Variants in FBXO11 observed in about 807,000 individuals in gnomAD.
The protein encoded by FBXO11 is F-box only protein 11.
Under a neutral mutation model 117.0 loss-of-function variants are expected in FBXO11, and 13 were observed. The ratio of observed to expected loss-of-function variants is 0.11; its 90% CI spans 0.07 to 0.18. The LOEUF (loss-of-function observed/expected upper bound fraction) is 0.18, where lower values mean the gene tolerates loss of function less well. Among genes scored for constraint, FBXO11 ranks in the 10% least tolerant of loss-of-function variants. The pLI is 1.00. For missense variants in FBXO11, 767 were observed against 1,164.4 expected (o/e 0.66, Z 4.97); for synonymous variants, 490 against 380.5 (o/e 1.29, Z -3.35).
rs1670267501 is a variant in FBXO11, at chr2:47,807,144, G to A, written c.*974C>T. The A allele has an allele frequency of 4.9e-6, 2 of 406,424 alleles. No homozygotes were observed. The highest frequency in any genetic ancestry group is 3.4e-5 in the South Asian group (1 of 29,806). 25.2% of individuals were successfully genotyped at this position (406,424 alleles called of 1,614,324 possible). On this transcript the variant is annotated 3_prime_UTR_variant, in exon 23 of 23. Coordinates refer to ENST00000403359, the MANE Select transcript of FBXO11 (RefSeq NM_001190274.2). ...GGAGGAAAAGCTATGAAACTGTATAGGGCTGTATATATACTTGTCTCAGCT... is the reference window on the plus strand; with the variant it reads ...GGAGGAAAAGCTATGAAACTGTATAAGGCTGTATATATACTTGTCTCAGCT...
chr2:47,833,670 T>A (rs1030412705), intron 7 of FBXO11, among the ~76,000 whole-genome samples: 4 of 152,254 alleles, frequency 2.6e-5, no homozygotes, highest in African/African-American at 7.2e-5. Flanking sequence ...CTTAGAAACC[T>A]GACCATAAAT....
chr2:47,903,466 G>C (rs780797260), intron 1 of FBXO11, among the ~76,000 whole-genome samples: 1 of 152,226 alleles, frequency 6.6e-6, no homozygotes, highest in African/African-American at 2.4e-5. Context: ...ACACTGGCAT[G>C]TGACTGCCAA....
chr2:47,828,338 G>C (rs1033618676), intron 11 of FBXO11, among the ~76,000 whole-genome samples: 1 of 152,080 alleles, frequency 6.6e-6, no homozygotes, highest in African/African-American at 2.4e-5. Context: ...ATTTTTTGAA[G>C]TAAAACATTC....
chr2:47,865,229 C>G (rs2103782331), intron 1 of FBXO11, among the ~76,000 whole-genome samples: 1 of 152,242 alleles, frequency 6.6e-6, no homozygotes, highest in Non-Finnish European at 1.5e-5. Flanking sequence ...GTGATAGAAC[C>G]CAGATTTTAA....
chr2:47,811,643 T>C (rs1369989058), intron 18 of FBXO11: 1 of 152,236 alleles, frequency 6.6e-6, no homozygotes, highest in Non-Finnish European at 1.5e-5. Flanking sequence ...TTACTAATGT[T>C]TTCCAGAAAC....
chr2:47,829,469 G>C (rs1672022022), intron 11 of FBXO11, among the ~76,000 whole-genome samples: 1 of 152,066 alleles, frequency 6.6e-6, no homozygotes, highest in Non-Finnish European at 1.5e-5. Context: ...TCGAATTCCT[G>C]ACCTCAGGTG....
At chr2:47,882,545 CT>C (rs1489505441) in intron 1 of FBXO11, among the ~76,000 whole-genome samples, 1 of 152,154 alleles carries the variant, frequency 6.6e-6, no homozygotes, top group East Asian at 1.9e-4. Context: ...TTTTCTAAAA[CT>C]TAAAAAAATA....
chr2:47,855,607 G>A (rs1674225794), intron 1 of FBXO11, among the ~76,000 whole-genome samples: 1 of 152,170 alleles, frequency 6.6e-6, no homozygotes. Context: ...GCCAGAGTGG[G>A]CTGATCACCT....
chr2:47,843,885 C>T (rs994912091), intron 1 of FBXO11, among the ~76,000 whole-genome samples: 5 of 152,044 alleles, frequency 3.3e-5, no homozygotes, highest in African/African-American at 1.2e-4. Context: ...GGATTACAGG[C>T]ACGCGCCACT....
intron 1 of FBXO11, among the ~76,000 whole-genome samples, chr2:47,855,769 T>C (rs1572852457): frequency 6.7e-6 from 1 of 148,450 alleles, no homozygotes; most frequent in Non-Finnish European, 1.5e-5. Flanking sequence ...GAGGCAGAGG[T>C]TCCAGTGAGC....
chr2:47,823,748 C>T (rs143570564), intron 11 of FBXO11, among the ~76,000 whole-genome samples: 3 of 150,820 alleles, frequency 2.0e-5, no homozygotes, highest in Admixed American at 6.6e-5. Flanking sequence ...AGCAAAACTC[C>T]GTCTCAAAAA....
chr2:47,897,701 C>CAAAAAA (rs60982405), intron 1 of FBXO11, among the ~76,000 whole-genome samples: 5 of 103,100 alleles, frequency 4.8e-5, no homozygotes, highest in African/African-American at 4.1e-5. Context: ...TGTCTTAAAC[C>CAAAAAA]AAAAAAAAAA....
intron 1 of FBXO11, among the ~76,000 whole-genome samples, chr2:47,858,978 G>T (rs1281521453): frequency 6.7e-6 from 1 of 148,544 alleles, no homozygotes; most frequent in Admixed American, 6.8e-5. Context: ...GGCGGAGGTC[G>T]CAGTGAGCAG....
intron 11 of FBXO11, among the ~76,000 whole-genome samples, chr2:47,831,942 CTG>C (rs1050242558): frequency 4.6e-5 from 7 of 152,124 alleles, no homozygotes; most frequent in South Asian, 2.1e-4. Context: ...ACTCTACAAA[CTG>C]TGTTAGATTC....
Position 47,903,704 on chromosome 2 carries a change from T to C in FBXO11, c.232+1785A>G, listed in dbSNP as rs200088875. 1.8e-3 allele frequency among the ~76,000 whole-genome samples: 269 copies of C among 152,334 alleles called. 2 individuals are homozygous for C. The highest frequency in any genetic ancestry group is 4.2e-3 in the East Asian group (22 of 5,192). On this transcript the variant is annotated intron_variant, in intron 1 of 22. Transcript: ENST00000403359. ...ATATTATTAACCAATTACCACATCT[T>C]GAAAAAGCTTACTGTAGCAATAGAA...
chr2:47,863,889 C>T (rs1449099033), intron 1 of FBXO11, among the ~76,000 whole-genome samples: 1 of 150,024 alleles, frequency 6.7e-6, no homozygotes, highest in Non-Finnish European at 1.5e-5. Context: ...TGCAGTGAGC[C>T]AAGATTGTGC....
rs148961541 is a variant in FBXO11, at chr2:47,886,265, G to C, written c.232+19224C>G. 4.8e-3 allele frequency among the ~76,000 whole-genome samples: 725 copies of C among 152,176 alleles called. 5 individuals are homozygous for C. Among genetic ancestry groups the C allele is most frequent in the African/African-American group, 0.017 (691 of 41,510 alleles). On this transcript the variant is annotated intron_variant, in intron 1 of 22. Transcript: ENST00000403359. ...CCTCACGCTGTAATCCCAGCACTTTGGGAGGCCGAGGCAGGCAGATCACAA... is the reference window on the plus strand; with the variant it reads ...CCTCACGCTGTAATCCCAGCACTTTCGGAGGCCGAGGCAGGCAGATCACAA...
Position 47,849,171 on chromosome 2 carries a change from A to C in FBXO11, c.233-9402T>G, listed in dbSNP as rs190783788. Among the ~76,000 whole-genome samples the C allele has an allele frequency of 1.3e-4, 20 of 152,344 alleles. No individual in the cohort carries two copies. In the East Asian group the frequency reaches 3.7e-3, roughly 28 times the overall value. On this transcript the variant is annotated intron_variant, in intron 1 of 22. Coordinates refer to ENST00000403359, the MANE Select transcript of FBXO11 (RefSeq NM_001190274.2). ...CTCTAACTGCTAAAAAAATTCACAA[A>C]TGGAAATCAAGATAAAATTTAAATA... is the stretch of plus-strand genomic sequence containing the variant.
Position 47,905,611 on chromosome 2 carries a change from T to TGGGGCGGCTGCG in FBXO11, c.98_109dup (p.Pro33_Pro36dup), listed in dbSNP as rs1572943556. On this transcript the variant is annotated inframe_insertion, in exon 1 of 23. Coordinates refer to ENST00000403359, the MANE Select transcript of FBXO11 (RefSeq NM_001190274.2). ...AGGCTGCTGCTGGGGCGGCTGCTGCTGGGGCGGCTGCGGCGGCGGCTGCTG... is the reference window on the plus strand; with the variant it reads ...AGGCTGCTGCTGGGGCGGCTGCTGCTGGGGCGGCTGCGGGGGCGGCTGCGGCGGCGGCTGCTG... The TGGGGCGGCTGCG allele has an allele frequency of 7.4e-7, 1 of 1,356,304 alleles. No individual in the cohort carries two copies. The highest frequency in any genetic ancestry group is 9.5e-7 in the Non-Finnish European group (1 of 1,051,814). The allele number at this position is 1,356,304 out of a possible 1,614,324, so 84.0% of individuals were successfully genotyped here. A position where few individuals can be genotyped will look rare whatever the true frequency, so the allele number is the denominator to read the frequency against.
Sources: gnomAD v4.1 joint callset for allele counts (sites outside exome capture counted in the v4.1 genomes callset) on GRCh38, gnomAD v4.1.1 for gene constraint, MANE v1.5 for transcripts, NCBI Gene and HGNC (gene_info 2026-07-23, HGNC 2026-07-21) for gene names.